RALYL: variants seen among roughly 807,000 people sequenced by gnomAD.
RALYL encodes the protein RNA-binding Raly-like protein.
RALYL carries 29 observed loss-of-function variants against 35.1 expected under a neutral mutation model. The ratio of observed to expected loss-of-function variants is 0.83; its 90% CI spans 0.61 to 1.13. The LOEUF (loss-of-function observed/expected upper bound fraction) is 1.13, where lower values mean the gene tolerates loss of function less well. Ranked by LOEUF, RALYL falls within the 50% of genes most tolerant of loss-of-function variation. The pLI, the probability that RALYL is intolerant of heterozygous loss-of-function variation, is 0.00. For missense variants in RALYL, 359 were observed against 360.4 expected, an observed-to-expected ratio of 1.00 and a Z score of 0.03; for synonymous variants, 120 against 127.6, an observed-to-expected ratio of 0.94 and a Z score of 0.40.
At chr8:84,674,513 C>T (rs1019354501) in intron 2 of RALYL, among the ~76,000 whole-genome samples, 2 of 151,872 alleles carry the variant, frequency 1.3e-5, no homozygotes, top group African/African-American at 4.8e-5. Context: ...TGTGACTGCC[C>T]TATCTTTCAA....
intron 2 of RALYL, among the ~76,000 whole-genome samples, chr8:84,562,214 C>A (rs1588190439): frequency 6.6e-6 from 1 of 151,994 alleles, no homozygotes; most frequent in South Asian, 2.1e-4. Context: ...GTAACCTCAT[C>A]CCTGACTGAT....
intron 1 of RALYL, among the ~76,000 whole-genome samples, chr8:84,199,779 C>A (rs1435482962): frequency 1.3e-5 from 2 of 152,154 alleles, no homozygotes; most frequent in Non-Finnish European, 2.9e-5. Context: ...ATGTTCTTGG[C>A]ACCTTTGTCG....
At chr8:84,414,250 A>G (rs907863377) in intron 1 of RALYL, among the ~76,000 whole-genome samples, 6 of 152,184 alleles carry the variant, frequency 3.9e-5, no homozygotes, top group Admixed American at 6.5e-5. Flanking sequence ...TGTAGCAAAG[A>G]AAATTAACAA....
intron 2 of RALYL, among the ~76,000 whole-genome samples, chr8:84,574,275 T>A (rs960871385): frequency 2.6e-5 from 4 of 152,070 alleles, no homozygotes; most frequent in Non-Finnish European, 5.9e-5. Context: ...AACCGATATA[T>A]TTCCAGTCCT....
rs1248628527 is a variant in RALYL, at chr8:84,896,299, G to A, written c.858+8523G>A. On this transcript the variant is annotated intron_variant, in intron 8 of 8. Coordinates refer to ENST00000521268, the MANE Select transcript of RALYL (RefSeq NM_173848.7). Reference sequence around the variant, plus strand: ...GCTCTAAACTGCAAGTTGTCACCAAGACCCCAAGTAACACAGCCTAAAGCC... The same window carrying A: ...GCTCTAAACTGCAAGTTGTCACCAAAACCCCAAGTAACACAGCCTAAAGCC... Among the ~76,000 whole-genome samples, 3 of 152,080 alleles carry A rather than the reference G, an allele frequency of 2.0e-5. No individual in the cohort carries two copies. The South Asian group carries it at 6.2e-4, about 32-fold the overall frequency.
chr8:84,424,658 GT>G (rs1368644793), intron 1 of RALYL, among the ~76,000 whole-genome samples: 1 of 151,772 alleles, frequency 6.6e-6, no homozygotes, highest in Non-Finnish European at 1.5e-5. Context: ...TTTCTGTTCT[GT>G]TTTTTCCCCA....
intron 1 of RALYL, among the ~76,000 whole-genome samples, chr8:84,419,562 A>G (rs1305448363): frequency 6.6e-6 from 1 of 150,770 alleles, no homozygotes; most frequent in East Asian, 1.9e-4. Flanking sequence ...TTTTATTATT[A>G]TACATTAAGT....
At chr8:84,906,612 C>A (rs1380185669) in intron 8 of RALYL, among the ~76,000 whole-genome samples, 3 of 151,606 alleles carry the variant, frequency 2.0e-5, no homozygotes, top group Non-Finnish European at 2.9e-5. Flanking sequence ...GACAAAATCA[C>A]AATGGAAAAG....
At chr8:84,551,040 G>A (rs2060684679) in intron 2 of RALYL, among the ~76,000 whole-genome samples, 1 of 151,908 alleles carries the variant, frequency 6.6e-6, no homozygotes, top group Admixed American at 6.6e-5. Flanking sequence ...ACAAACTAAG[G>A]AGGCACAGAA....
rs149718136 is a variant in RALYL, at chr8:84,801,024, A to T, written c.333-3746A>T. 1.6e-3 allele frequency among the ~76,000 whole-genome samples: 237 copies of T among 152,318 alleles called. 1 individual carries two copies. The highest frequency in any genetic ancestry group is 5.3e-3 in the African/African-American group (222 of 41,572). On this transcript the variant is annotated intron_variant, in intron 3 of 8. Transcript: ENST00000521268. ...CTATATAATTGAGAAAAATGAGGTT[A>T]TTCAGAGTCCCTGAATCATACCAAG...
chr8:84,276,227 G>A (rs1203761275), intron 1 of RALYL, among the ~76,000 whole-genome samples: 1 of 152,062 alleles, frequency 6.6e-6, no homozygotes, highest in Non-Finnish European at 1.5e-5. Flanking sequence ...ACACTTATTA[G>A]CTAATACGAA....
At chr8:84,421,446 G>A (rs1587039413) in intron 1 of RALYL, among the ~76,000 whole-genome samples, 8 of 135,740 alleles carry the variant, frequency 5.9e-5, no homozygotes, top group South Asian at 2.6e-4. Flanking sequence ...GGAGATTTTG[G>A]GCTGAGACAA....
chr8:84,615,570 CTTTTTTTT>C (rs60428128), intron 2 of RALYL, among the ~76,000 whole-genome samples: 18 of 67,364 alleles, frequency 2.7e-4, no homozygotes, highest in South Asian at 1.2e-3. Context: ...GAACTTTCGT[CTTTTTTTT>C]TTTTTTTTTT....
At chr8:84,776,338 A>G (rs1816836989) in intron 3 of RALYL, among the ~76,000 whole-genome samples, 1 of 152,188 alleles carries the variant, frequency 6.6e-6, no homozygotes. Context: ...TTTTAAAGCT[A>G]TACTGAAAAA....
chr8:84,807,658 T>C (rs190159082), intron 4 of RALYL, among the ~76,000 whole-genome samples: 3 of 152,286 alleles, frequency 2.0e-5, no homozygotes, highest in Non-Finnish European at 2.9e-5. Flanking sequence ...CCCTATTCAC[T>C]GCATCCACTC....
At chr8:84,468,843 C>A (rs143177227) in intron 1 of RALYL, among the ~76,000 whole-genome samples, 3 of 152,048 alleles carry the variant, frequency 2.0e-5, no homozygotes, top group Non-Finnish European at 4.4e-5. Context: ...TTGCTCATTT[C>A]TTTTTATTCT....
intron 1 of RALYL, among the ~76,000 whole-genome samples, chr8:84,197,650 C>T (rs370212349): frequency 2.0e-5 from 3 of 151,714 alleles, no homozygotes; most frequent in African/African-American, 7.3e-5. Context: ...ATTTTGGGGC[C>T]GGGCGCGGTG....
At chr8:84,221,833 T>A (rs1287757601) in intron 1 of RALYL, among the ~76,000 whole-genome samples, 1 of 152,150 alleles carries the variant, frequency 6.6e-6, no homozygotes, top group African/African-American at 2.4e-5. Flanking sequence ...ATATCTATTC[T>A]GTATTCTTGG....
intron 2 of RALYL, among the ~76,000 whole-genome samples, chr8:84,686,108 A>G (rs1188211195): frequency 6.6e-6 from 1 of 152,190 alleles, no homozygotes; most frequent in Non-Finnish European, 1.5e-5. Context: ...ATCATGCATA[A>G]GTAACCTTAA....
Sources: gnomAD v4.1 joint callset for allele counts (sites outside exome capture counted in the v4.1 genomes callset) on GRCh38, gnomAD v4.1.1 for gene constraint, MANE v1.5 for transcripts, NCBI Gene and HGNC (gene_info 2026-07-23, HGNC 2026-07-21) for gene names.